The following GYS2 variants were observed in gnomAD, a reference collection of about 807,000 sequenced individuals.
GYS2 encodes the protein glycogen synthase 2.
In GYS2, 80 loss-of-function variants were observed where a neutral mutation model predicts 85.6. The ratio of observed to expected loss-of-function variants is 0.93; its 90% CI spans 0.78 to 1.13. GYS2 has a LOEUF of 1.13. GYS2 is among the 50% of genes most tolerant of loss of function. The pLI, the probability that GYS2 is intolerant of heterozygous loss-of-function variation, is 0.00. For synonymous variants in GYS2, 328 were observed against 300.7 expected (o/e 1.09, Z -0.94); for missense variants, 881 against 854.9 (o/e 1.03, Z -0.38).
intron 7 of GYS2, among the ~76,000 whole-genome samples, chr12:21,561,109 G>A (rs1007528754): frequency 1.3e-5 from 2 of 152,152 alleles, no homozygotes; most frequent in Admixed American, 6.5e-5. Flanking sequence ...CAGACACTGT[G>A]CTGGGTGCTT....
In GYS2 at chr12:21,567,837, G is replaced by C. The variant is rs908870134; in HGVS notation, c.823+1028C>G. ...CACATGTAATCCCAGCACTTTGGGA[G>C]GCCAAGGCGGGTGGATCACGAGGTC... is the stretch of plus-strand genomic sequence containing the variant. On this transcript the variant is annotated intron_variant, in intron 5 of 15. Transcript: ENST00000261195. Among the ~76,000 whole-genome samples the C allele has an allele frequency of 8.5e-5, 13 of 152,096 alleles. 1 individual carries two copies. Among genetic ancestry groups the C allele is most frequent in the Admixed American group, 3.3e-4 (5 of 15,270 alleles).
intron 1 of GYS2, among the ~76,000 whole-genome samples, chr12:21,587,505 C>T (rs772060275): frequency 1.3e-5 from 2 of 152,048 alleles, no homozygotes; most frequent in Non-Finnish European, 2.9e-5. Flanking sequence ...CGGCTTTTCC[C>T]CCTTTTGCTT....
intron 4 of GYS2, among the ~76,000 whole-genome samples, chr12:21,571,856 G>A (rs1288233388): frequency 1.3e-5 from 2 of 152,072 alleles, no homozygotes; most frequent in Non-Finnish European, 2.9e-5. Flanking sequence ...CACCTACTCA[G>A]GAGGCTGAGG....
At chr12:21,545,088 C>A (rs1488895670) in intron 12 of GYS2, among the ~76,000 whole-genome samples, 1 of 152,152 alleles carries the variant, frequency 6.6e-6, no homozygotes, top group South Asian at 2.1e-4. Context: ...CATTGAGATA[C>A]AAAAGGCAAC....
At chr12:21,604,327 G>A in intron 1 of GYS2, 145 bp downstream of exon 1, 1 of 712,960 alleles carries the variant, frequency 1.4e-6, no homozygotes, top group Non-Finnish European at 2.6e-6. Flanking sequence ...AAGGTTAAAT[G>A]TAGCCTAAAT....
At chr12:21,594,280 A>T (rs556043496) in intron 1 of GYS2, among the ~76,000 whole-genome samples, 120 of 152,212 alleles carry the variant, frequency 7.9e-4, no homozygotes, top group African/African-American at 2.8e-3. Flanking sequence ...AAAGAAAGAA[A>T]AGGCATGCAA....
At chr12:21,565,533 A>C (rs1366814878) in intron 5 of GYS2, among the ~76,000 whole-genome samples, 1 of 148,662 alleles carries the variant, frequency 6.7e-6, no homozygotes, top group Non-Finnish European at 1.5e-5. Context: ...ACTATATACA[A>C]ATAACCTAAA....
intron 2 of GYS2, 30 bp downstream of exon 2, chr12:21,580,312 A>G: frequency 6.3e-7 from 1 of 1,587,070 alleles, no homozygotes; most frequent in South Asian, 1.1e-5. Flanking sequence ...GTTTACTGAG[A>G]ATTGCCAAGT....
At position 21,577,935 on chromosome 12, in the gene GYS2, A is replaced by G. The variant is rs757355399; in HGVS notation, c.304-1878T>C. On this transcript the variant is annotated intron_variant, in intron 2 of 15. Coordinates refer to ENST00000261195, the MANE Select transcript of GYS2 (RefSeq NM_021957.4). The stretch of plus-strand genomic sequence containing the variant: ...TTACTTTTTGACCTTATCCTAAGCA[A>G]CTTCAAAGTCCAGATTTTTTATCCT... Among the ~76,000 whole-genome samples the G allele has an allele frequency of 1.1e-3, 169 of 152,282 alleles. 2 individuals are homozygous for G. Among genetic ancestry groups the G allele is most frequent in the Non-Finnish European group, 2.1e-3 (146 of 68,022 alleles).
intron 13 of GYS2, among the ~76,000 whole-genome samples, chr12:21,541,071 A>G (rs1943967440): frequency 6.6e-6 from 1 of 151,908 alleles, no homozygotes; most frequent in African/African-American, 2.4e-5. Flanking sequence ...CCAGGAGTTC[A>G]AGACCAACCT....
intron 11 of GYS2, among the ~76,000 whole-genome samples, chr12:21,555,910 C>T (rs559581414): frequency 6.6e-6 from 1 of 152,294 alleles, no homozygotes; most frequent in East Asian, 1.9e-4. Flanking sequence ...ATTCTATGGC[C>T]TAGGGCCATC....
At chr12:21,557,773 CCTG>C (rs2136871062) in intron 11 of GYS2, among the ~76,000 whole-genome samples, 2 of 152,212 alleles carry the variant, frequency 1.3e-5, no homozygotes, top group African/African-American at 4.8e-5. Context: ...GTTGCGGGCG[CCTG>C]TAGTCCCAGC....
At chr12:21,558,144 T>G in intron 11 of GYS2, 56 bp downstream of exon 11, 1 of 1,036,700 alleles carries the variant, frequency 9.6e-7, no homozygotes, top group Admixed American at 1.8e-5. Flanking sequence ...TAATAAATTC[T>G]CAGAAAATAT....
At chr12:21,535,229 C>T (rs1387060543), downstream of GYS2, 1 of 150,434 alleles carries the variant, frequency 6.6e-6, no homozygotes, top group Non-Finnish European at 1.5e-5. Flanking sequence ...ACTGTGTAGG[C>T]ATGTTTTCAA....
At chr12:21,578,429 A>G (rs1214690039) in intron 2 of GYS2, among the ~76,000 whole-genome samples, 1 of 152,128 alleles carries the variant, frequency 6.6e-6, no homozygotes, top group East Asian at 1.9e-4. Context: ...CATCTATTCA[A>G]CTTCCTGCAC....
At chr12:21,546,060 A>G (rs574597689) in intron 12 of GYS2, among the ~76,000 whole-genome samples, 1 of 152,296 alleles carries the variant, frequency 6.6e-6, no homozygotes, top group African/African-American at 2.4e-5. Flanking sequence ...TACAACCTTT[A>G]TATCACATTC....
intron 11 of GYS2, among the ~76,000 whole-genome samples, chr12:21,550,666 T>A (rs919295303): frequency 2.6e-5 from 4 of 152,084 alleles, no homozygotes; most frequent in African/African-American, 4.8e-5. Context: ...ACAGGCCGGG[T>A]ACCGTGGCTC....
intron 1 of GYS2, among the ~76,000 whole-genome samples, chr12:21,598,770 G>A (rs113522895): frequency 5.9e-5 from 9 of 152,032 alleles, no homozygotes; most frequent in Non-Finnish European, 8.8e-5. Context: ...ATGAATGATC[G>A]TTTTACCACA....
At chr12:21,551,057 T>G (rs1020315852) in intron 11 of GYS2, among the ~76,000 whole-genome samples, 2 of 151,888 alleles carry the variant, frequency 1.3e-5, no homozygotes, top group African/African-American at 4.8e-5. Context: ...ATGTGCACAT[T>G]GTGCAGGTTA....
Sources: gnomAD v4.1 joint callset for allele counts (sites outside exome capture counted in the v4.1 genomes callset) on GRCh38, gnomAD v4.1.1 for gene constraint, MANE v1.5 for transcripts, NCBI Gene and HGNC (gene_info 2026-07-23, HGNC 2026-07-21) for gene names.